The following ASAH2 variants were observed in gnomAD, a reference collection of about 807,000 sequenced individuals.
ASAH2 encodes the protein neutral ceramidase.
A neutral mutation model predicts 82.9 loss-of-function variants in ASAH2; 58 were observed. That is an observed-to-expected ratio of 0.70 (90% confidence interval 0.57 to 0.87). The LOEUF (loss-of-function observed/expected upper bound fraction) is 0.87. Ranked by LOEUF, ASAH2 falls within the 40% of genes least tolerant of loss-of-function variation. ASAH2 has a pLI of 0.00. For synonymous variants in ASAH2, 276 were observed against 289.7 expected, an observed-to-expected ratio of 0.95 and a Z score of 0.48; for missense variants, 779 against 834.0, an observed-to-expected ratio of 0.93 and a Z score of 0.81.
At chr10:50,193,232 T>C (rs1479091350) in intron 18 of ASAH2, among the ~76,000 whole-genome samples, 2 of 151,474 alleles carry the variant, frequency 1.3e-5, no homozygotes, top group African/African-American at 2.4e-5. Context: ...ACAGTGATAT[T>C]TGAGTGGCAG....
At chr10:50,196,005 A>G (rs1380183634) in intron 18 of ASAH2, among the ~76,000 whole-genome samples, 1 of 151,858 alleles carries the variant, frequency 6.6e-6, no homozygotes, top group African/African-American at 2.4e-5. Flanking sequence ...GCTTCAGTTA[A>G]AAACAACATA....
chr10:50,198,939 C>T, intron 17 of ASAH2, 112 bp downstream of exon 17: 1 of 1,171,634 alleles, frequency 8.5e-7, no homozygotes, highest in Non-Finnish European at 1.3e-6. Context: ...AGCTAAGGTT[C>T]TCTTTCACTT....
At chr10:50,248,160 T>C (rs1195864115) in intron 2 of ASAH2, among the ~76,000 whole-genome samples, 2 of 152,164 alleles carry the variant, frequency 1.3e-5, no homozygotes, top group Non-Finnish European at 1.5e-5. Context: ...AGGAGGCAAA[T>C]TGAAAGATTA....
At position 50,214,828 on chromosome 10, in the gene ASAH2, TCTC is replaced by T; in HGVS notation, c.1052_1054del (p.Gly351del). ...TGGTCCAAGAATGTTGGGGGACACA[TCTC>T]CTAGGTTTGATGAAGCAAAGGCTGC... On this transcript the variant is annotated inframe_deletion, in exon 9 of 21. Coordinates refer to ENST00000682911, the MANE Select transcript of ASAH2 (RefSeq NM_019893.4). The T allele has an allele frequency of 1.2e-6, 2 of 1,613,740 alleles. No homozygotes were observed. Among genetic ancestry groups the T allele is most frequent in the Admixed American group, 1.7e-5 (1 of 60,000 alleles).
At chr10:50,222,387 T>A (rs1845773395) in intron 7 of ASAH2, among the ~76,000 whole-genome samples, 1 of 152,134 alleles carries the variant, frequency 6.6e-6, no homozygotes, top group African/African-American at 2.4e-5. Flanking sequence ...CAAGTGGTCC[T>A]CCTACTTCAG....
At chr10:50,211,767 C>T (rs944171442) in intron 10 of ASAH2, among the ~76,000 whole-genome samples, 6 of 152,146 alleles carry the variant, frequency 3.9e-5, no homozygotes, top group Non-Finnish European at 7.4e-5. Context: ...TTTCATCAAA[C>T]GTTCTCTTGC....
intron 16 of ASAH2, among the ~76,000 whole-genome samples, chr10:50,202,466 A>G (rs1237404863): frequency 6.6e-6 from 1 of 152,108 alleles, no homozygotes; most frequent in Non-Finnish European, 1.5e-5. Context: ...AGTGCATTCA[A>G]TAAACAGCTA....
At chr10:50,194,403 G>A (rs1355749) in intron 18 of ASAH2, among the ~76,000 whole-genome samples, 15 of 150,922 alleles carry the variant, frequency 9.9e-5, no homozygotes, top group Non-Finnish European at 2.2e-4. Flanking sequence ...TGTCACCTCA[G>A]TAGAAAAAAA....
chr10:50,197,787 G>A (rs2133196710), intron 17 of ASAH2, among the ~76,000 whole-genome samples: 1 of 151,932 alleles, frequency 6.6e-6, no homozygotes, highest in East Asian at 1.9e-4. Flanking sequence ...TACAAAATTT[G>A]AAGAATCTAT....
At chr10:50,220,836 C>CAAAAAAAAAA (rs1206033397) in intron 7 of ASAH2, among the ~76,000 whole-genome samples, 1 of 76,212 alleles carries the variant, frequency 1.3e-5, no homozygotes, top group African/African-American at 4.6e-5. Flanking sequence ...ATACTCTAGC[C>CAAAAAAAAAA]AAAAAAAAAA....
In ASAH2 at chr10:50,185,595, GGA is replaced by G. The variant is rs1238047862; in HGVS notation, c.*1718_*1719del. 4 of 76,166 alleles carry G rather than the reference GGA, an allele frequency of 5.3e-5. No homozygotes were observed. The highest frequency in any genetic ancestry group is 1.2e-4 in the Non-Finnish European group (4 of 33,304). 4.7% of individuals were successfully genotyped at this position (76,166 alleles called of 1,614,324 possible). On this transcript the variant is annotated 3_prime_UTR_variant, in exon 21 of 21. Transcript: ENST00000682911. Reference sequence around the variant, plus strand: ...TCTTGTCTGGAATCAGCTACTTTCAGGATCACTTGTTCTTTTAGGCTTCTGAA... The same window carrying G: ...TCTTGTCTGGAATCAGCTACTTTCAGTCACTTGTTCTTTTAGGCTTCTGAA...
At position 50,233,256 on chromosome 10, in the gene ASAH2, G is replaced by C; in HGVS notation, c.821C>G (p.Ser274Cys). The C allele has an allele frequency of 6.2e-7, 1 of 1,605,478 alleles. No homozygotes were observed. The highest frequency in any genetic ancestry group is 8.5e-7 in the Non-Finnish European group (1 of 1,172,402). ...QNPQSERARY[S>C]SNTDKEMIVL... ...TATCATTTCCTTGTCTGTATTTGAA[G>C]AATACCTAGTCAGTAAAACAGAAAA... The change falls in exon 7 of 21, where the codon TCT becomes TGT. Residue 274 changes from serine (S) to cysteine (C), a missense_variant. By Grantham distance (112) the Ser-to-Cys change is moderately radical. This residue lies in a region of ASAH2 where 759 missense variants were observed against 755.2 expected (regional missense o/e 1.00). Transcript: ENST00000682911.
At chr10:50,236,120 G>T (rs1160145008) in intron 4 of ASAH2, 56 bp from the exon 5 acceptor site, 8 of 1,504,398 alleles carry the variant, frequency 5.3e-6, no homozygotes, top group Middle Eastern at 1.7e-4. Flanking sequence ...AGCTCAACAT[G>T]AGAAAAGGCT....
chr10:50,242,235 C>T (rs1304516264), intron 4 of ASAH2, among the ~76,000 whole-genome samples: 1 of 151,992 alleles, frequency 6.6e-6, no homozygotes, highest in East Asian at 1.9e-4. Flanking sequence ...ACACTTAATC[C>T]CTTTTTCCTC....
intron 1 of ASAH2, among the ~76,000 whole-genome samples, chr10:50,250,393 T>C (rs1205257733): frequency 2.0e-5 from 3 of 152,194 alleles, no homozygotes; most frequent in African/African-American, 7.2e-5. Flanking sequence ...CTCATCCACT[T>C]ATCACCACCA....
At chr10:50,205,077 A>G (rs1589326513) in intron 13 of ASAH2, 122 bp from the exon 14 acceptor site, 1 of 622,878 alleles carries the variant, frequency 1.6e-6, no homozygotes, top group East Asian at 2.9e-5. Context: ...AATATTCTAT[A>G]TGGGCATTTA....
chr10:50,206,150 A>G, intron 12 of ASAH2, 53 bp from the exon 13 acceptor site: 1 of 1,257,078 alleles, frequency 8.0e-7, no homozygotes, highest in African/African-American at 1.5e-5. Context: ...CTCTCAAAAA[A>G]GTCATTATCT....
rs1035217017 is a variant in ASAH2 at position 50,236,584 on chromosome 10, T to G, written c.511-520A>C. Among the ~76,000 whole-genome samples the G allele has an allele frequency of 6.7e-4, 102 of 152,228 alleles. 1 individual carries two copies. The highest frequency in any genetic ancestry group is 2.3e-3 in the African/African-American group (96 of 41,536). ...GCCCCTCACTGTATGTTTGAGGATA[T>G]TATCATAGTAATAACAACAAAATAA... On this transcript the variant is annotated intron_variant, in intron 4 of 20. Transcript: ENST00000682911.
At chr10:50,223,718 G>C (rs2133216930) in intron 7 of ASAH2, among the ~76,000 whole-genome samples, 1 of 152,238 alleles carries the variant, frequency 6.6e-6, no homozygotes, top group East Asian at 1.9e-4. Flanking sequence ...TCAAGGTAAA[G>C]ATTAAGTGAT....
Sources: allele counts gnomAD v4.1 joint callset (sites outside exome capture counted in the v4.1 genomes callset), GRCh38; gene constraint gnomAD v4.1.1; regional missense constraint gnomAD v4.1.1; transcripts MANE v1.5; gene names NCBI Gene and HGNC (gene_info 2026-07-23, HGNC 2026-07-21).